Variants in BRIP1 observed in about 807,000 individuals in gnomAD.
BRIP1 encodes the protein BRCA1 interacting DNA helicase 1.
A neutral mutation model predicts 119.7 loss-of-function variants in BRIP1; 88 were observed. The ratio of observed to expected loss-of-function variants is 0.74; its 90% CI spans 0.62 to 0.88. BRIP1 has a LOEUF of 0.88. Ranked by LOEUF, BRIP1 falls within the 40% of genes least tolerant of loss-of-function variation. The probability of loss-of-function intolerance (pLI) is 0.00; values close to 1 mark genes in which losing one functional copy is unlikely to be tolerated. For synonymous variants in BRIP1, 443 were observed against 496.5 expected (o/e 0.89, Z 1.43); for missense variants, 1,259 against 1,455.4 (o/e 0.87, Z 2.20).
chr17:61,815,626 TAAA>T lies in BRIP1; in HGVS notation c.628-6872_628-6870del, dbSNP rs1451053023. Among the ~76,000 whole-genome samples, 1 of 152,110 alleles carries T rather than the reference TAAA, an allele frequency of 6.6e-6. No individual in the cohort carries two copies. Among genetic ancestry groups the T allele is most frequent in the Non-Finnish European group, 1.5e-5 (1 of 67,988 alleles). On this transcript the variant is annotated intron_variant, in intron 6 of 19. Coordinates refer to ENST00000259008, the MANE Select transcript of BRIP1 (RefSeq NM_032043.3). This position sits in a 1 kb window ranked among gnomAD's most constrained non-coding sequence, Gnocchi z 4.1. ...TATATTTCTAACTTCATTTTACAGA[TAAA>T]AAAGGAAATTCAGAAGAATTCAAAT...
chr17:61,681,998 G>A lies in BRIP1; in HGVS notation c.*1298C>T, dbSNP rs746812029. 5.0e-6 allele frequency: 1 copy of A among 201,150 alleles called. No individual in the cohort carries two copies. 12.5% of individuals were successfully genotyped at this position (201,150 alleles called of 1,614,324 possible). On this transcript the variant is annotated 3_prime_UTR_variant, in exon 20 of 20. Coordinates refer to ENST00000259008, the MANE Select transcript of BRIP1 (RefSeq NM_032043.3). This position sits in a 1 kb window ranked among gnomAD's most constrained non-coding sequence, Gnocchi z 5.1. ...GAATAACAGATGTTTCTTAAAAAGA[G>A]ATCAATGAATGTATTTTTGGAATGA...
rs1241222896 is a variant in BRIP1, at chr17:61,759,609, G to A, written c.2098-15018C>T. On this transcript the variant is annotated intron_variant, in intron 14 of 19. Transcript: ENST00000259008. This position sits in a 1 kb window ranked among gnomAD's most constrained non-coding sequence, Gnocchi z 4.9. The stretch of plus-strand genomic sequence containing the variant: ...TTTACAGGCATACCTTGGAGATATT[G>A]TAGGTTCAGTTTCAGACCACCACAA... Among the ~76,000 whole-genome samples, 2 of 152,084 alleles carry A rather than the reference G, an allele frequency of 1.3e-5. No homozygotes were observed. The highest frequency in any genetic ancestry group is 3.8e-4 in the East Asian group (2 of 5,200).
Position 61,861,502 on chromosome 17 carries a change from A to T in BRIP1, c.38T>A (p.Val13Glu). 1 of 1,613,348 alleles carries T rather than the reference A, an allele frequency of 6.2e-7. No homozygotes were observed. Among genetic ancestry groups the T allele is most frequent in the Non-Finnish European group, 8.5e-7 (1 of 1,179,446 alleles). ...SMWSEYTIGG[V>E]KIYFPYKAYP... ...AGCTTTATAAGGAAAGTAAATCTTC[A>T]CCCCACCAATTGTATATTCAGACCA... The change falls in exon 2 of 20, where the codon GTG (valine) becomes GAG (glutamate). Residue 13 changes from valine (V) to glutamate (E), a missense_variant. Transcript: ENST00000259008. The surrounding 1 kb of genome is among the most constrained non-coding windows in gnomAD (Gnocchi z 4.5).
rs144749656 is a variant in BRIP1, at chr17:61,823,757, A to AACACACACAC, written c.628-15010_628-15001dup. 2.2e-4 allele frequency among the ~76,000 whole-genome samples: 29 copies of AACACACACAC among 131,748 alleles called. No homozygotes were observed. Among genetic ancestry groups the AACACACACAC allele is most frequent in the East Asian group, 1.6e-3 (8 of 4,906 alleles). 86.4% of individuals were successfully genotyped at this position (131,748 alleles called of 152,430 possible). On this transcript the variant is annotated intron_variant, in intron 6 of 19. Transcript: ENST00000259008. This position sits in a 1 kb window ranked among gnomAD's most constrained non-coding sequence, Gnocchi z 4.8. ...GCTCAATGACCCCAAGCACACAATA[A>AACACACACAC]ACACACACACACACACACACACACA...
chr17:61,682,091 A>T lies in BRIP1; in HGVS notation c.*1205T>A. Reference sequence around the variant, plus strand: ...TATAGCTTCATTCACAAAAACACAAACAAGGTCAAAATTCACAGAAAGGAT... The same window carrying T: ...TATAGCTTCATTCACAAAAACACAATCAAGGTCAAAATTCACAGAAAGGAT... On this transcript the variant is annotated 3_prime_UTR_variant, in exon 20 of 20. Transcript: ENST00000259008. The surrounding 1 kb of genome is among the most constrained non-coding windows in gnomAD (Gnocchi z 4.9). 4.9e-6 allele frequency: 1 copy of T among 204,078 alleles called. No homozygotes were observed. Among genetic ancestry groups the T allele is most frequent in the Non-Finnish European group, 1.0e-5 (1 of 99,682 alleles). 12.6% of individuals were successfully genotyped at this position (204,078 alleles called of 1,614,324 possible).
Position 61,736,113 on chromosome 17 carries a change from G to A in BRIP1, c.2379+6900C>T, listed in dbSNP as rs190755303. Among the ~76,000 whole-genome samples, 3 of 151,854 alleles carry A rather than the reference G, an allele frequency of 2.0e-5. No individual in the cohort carries two copies. Among genetic ancestry groups the A allele is most frequent in the Admixed American group, 2.0e-4 (3 of 15,260 alleles). On this transcript the variant is annotated intron_variant, in intron 16 of 19. Transcript: ENST00000259008. The surrounding 1 kb of genome is among the most constrained non-coding windows in gnomAD (Gnocchi z 4.4). ...GGCTGAGGTCTGAGCATCCCTTAAG[G>A]CCAGGAGTTCAAGGCCAGCTTGTAC...
intron 16 of BRIP1, among the ~76,000 whole-genome samples, chr17:61,727,628 T>TG (rs1285357675): frequency 6.6e-6 from 1 of 151,722 alleles, no homozygotes; most frequent in Non-Finnish European, 1.5e-5. Context: ...CTGGGCATGG[T>TG]GGTAGGAGTC....
chr17:61,786,989 A>T (rs1469301131), intron 10 of BRIP1, among the ~76,000 whole-genome samples: 1 of 82,494 alleles, frequency 1.2e-5, no homozygotes, highest in Admixed American at 1.5e-4. Context: ...AATTTATATA[A>T]ATTTATAAAT....
intron 10 of BRIP1, among the ~76,000 whole-genome samples, chr17:61,792,751 G>T (rs1478616206): frequency 6.6e-6 from 1 of 152,180 alleles, no homozygotes; most frequent in Non-Finnish European, 1.5e-5. Context: ...ATACTGTAGT[G>T]GTGGATTCCT....
intron 17 of BRIP1, among the ~76,000 whole-genome samples, chr17:61,712,973 T>A (rs2061802935): frequency 6.6e-6 from 1 of 152,154 alleles, no homozygotes; most frequent in Admixed American, 6.5e-5. Context: ...GTTGATGCCC[T>A]ACAATATGAA....
intron 14 of BRIP1, among the ~76,000 whole-genome samples, chr17:61,747,461 G>C (rs1432718761): frequency 3.3e-5 from 5 of 151,512 alleles, no homozygotes; most frequent in East Asian, 1.9e-4. Flanking sequence ...AAGACACACT[G>C]ATGCCACCGA....
At chr17:61,696,662 GT>G (rs2061525652) in intron 17 of BRIP1, among the ~76,000 whole-genome samples, 1 of 146,560 alleles carries the variant, frequency 6.8e-6, no homozygotes, top group African/African-American at 2.5e-5. Flanking sequence ...TCCAGCCTGA[GT>G]GACAGAGTGA....
chr17:61,719,495 C>T (rs759292439), intron 16 of BRIP1, among the ~76,000 whole-genome samples: 12 of 151,980 alleles, frequency 7.9e-5, no homozygotes, highest in South Asian at 4.2e-4. Flanking sequence ...GAAGCTGAGG[C>T]GGGTGGATCA....
intron 18 of BRIP1, among the ~76,000 whole-genome samples, chr17:61,692,502 A>T (rs1453123204): frequency 2.0e-5 from 3 of 152,156 alleles, no homozygotes; most frequent in Admixed American, 2.0e-4. Context: ...CAAACCAAAA[A>T]AACAGATATG....
At position 61,693,545 on chromosome 17, in the gene BRIP1, T is replaced by A; in HGVS notation, c.2493-33A>T. ...AAATAGGGAAAAAGTCAAATAATTATAACATCGGAAATAAATCCAGTTTTC... is the reference window on the plus strand; with the variant it reads ...AAATAGGGAAAAAGTCAAATAATTAAAACATCGGAAATAAATCCAGTTTTC... On this transcript the variant is annotated intron_variant, in intron 17 of 19. Coordinates refer to ENST00000259008, the MANE Select transcript of BRIP1 (RefSeq NM_032043.3). This position sits in a 1 kb window ranked among gnomAD's most constrained non-coding sequence, Gnocchi z 4.2. 6.5e-7 allele frequency: 1 copy of A among 1,542,286 alleles called. No homozygotes were observed. The highest frequency in any genetic ancestry group is 9.0e-7 in the Non-Finnish European group (1 of 1,115,158).
intron 17 of BRIP1, among the ~76,000 whole-genome samples, chr17:61,707,849 ATTT>A (rs1229577859): frequency 7.1e-6 from 1 of 141,190 alleles, no homozygotes. Context: ...TGGTCTTCAC[ATTT>A]TTTTTTTTTT....
At chr17:61,837,218 T>A (rs189751493) in intron 6 of BRIP1, among the ~76,000 whole-genome samples, 6 of 152,236 alleles carry the variant, frequency 3.9e-5, no homozygotes, top group Non-Finnish European at 2.9e-5. Flanking sequence ...CATAACACAG[T>A]AAGCACCAGT....
rs2078428787 is a variant in BRIP1 at position 61,827,558 on chromosome 17, T to A, written c.628-18801A>T. On this transcript the variant is annotated intron_variant, in intron 6 of 19. Transcript: ENST00000259008. The surrounding 1 kb of genome is among the most constrained non-coding windows in gnomAD (Gnocchi z 5.8). ...GCCTGGCCAACATGGTGAAACCCCATCTCTATTAAAAATACAAAAAATTAG... is the reference window on the plus strand; with the variant it reads ...GCCTGGCCAACATGGTGAAACCCCAACTCTATTAAAAATACAAAAAATTAG... Among the ~76,000 whole-genome samples the A allele has an allele frequency of 6.6e-6, 1 of 152,044 alleles. No homozygotes were observed. The highest frequency in any genetic ancestry group is 2.4e-5 in the African/African-American group (1 of 41,382).
At chr17:61,821,524 T>C (rs995314706) in intron 6 of BRIP1, among the ~76,000 whole-genome samples, 4 of 150,166 alleles carry the variant, frequency 2.7e-5, no homozygotes. Context: ...TTTACCTTTT[T>C]ATTTTTAATT....
Sources: allele counts gnomAD v4.1 joint callset (sites outside exome capture counted in the v4.1 genomes callset), GRCh38; gene constraint gnomAD v4.1.1; non-coding constraint Gnocchi (gnomAD v3.1); transcripts MANE v1.5; gene names NCBI Gene and HGNC (gene_info 2026-07-23, HGNC 2026-07-21).